The following TACR1 variants were observed in gnomAD, a reference collection of about 807,000 sequenced individuals.
TACR1 encodes substance-P receptor.
Under a neutral mutation model 35.8 loss-of-function variants are expected in TACR1, and 25 were observed. The observed-to-expected ratio is 0.70, with a 90% CI of 0.51 to 0.98. The LOEUF is 0.98. Among genes scored for constraint, TACR1 ranks in the 50% least tolerant of loss-of-function variants. The pLI is 0.00. For missense variants in TACR1, 478 were observed against 522.9 expected (o/e 0.91, Z 0.84); for synonymous variants, 195 against 206.7 (o/e 0.94, Z 0.48).
chr2:75,081,803 G>T (rs1452607268), intron 2 of TACR1, among the ~76,000 whole-genome samples: 2 of 151,972 alleles, frequency 1.3e-5, no homozygotes, highest in Non-Finnish European at 2.9e-5. Flanking sequence ...AATATTTAGA[G>T]ATGATATGCA....
At chr2:75,052,186 G>A (rs1333264025) in intron 3 of TACR1, among the ~76,000 whole-genome samples, 1 of 152,206 alleles carries the variant, frequency 6.6e-6, no homozygotes, top group African/African-American at 2.4e-5. Flanking sequence ...AACTAATTAG[G>A]TCTTCAGGTC....
chr2:75,077,783 T>C (rs1673009216), intron 2 of TACR1, among the ~76,000 whole-genome samples: 1 of 152,150 alleles, frequency 6.6e-6, no homozygotes, highest in Non-Finnish European at 1.5e-5. Context: ...GCTGTACCCA[T>C]CCCCAGATAA....
intron 2 of TACR1, among the ~76,000 whole-genome samples, chr2:75,096,363 G>T (rs758666838): frequency 2.3e-4 from 35 of 152,286 alleles, no homozygotes; most frequent in Middle Eastern, 3.4e-3. Flanking sequence ...GCAACTCAGA[G>T]TCCAGTTTGA....
At chr2:75,092,057 A>G (rs1289868334) in intron 2 of TACR1, among the ~76,000 whole-genome samples, 3 of 152,232 alleles carry the variant, frequency 2.0e-5, no homozygotes, top group Non-Finnish European at 4.4e-5. Flanking sequence ...TTTTGTTTCA[A>G]ACAAATCTGA....
chr2:75,125,018 C>T (rs952412592), intron 1 of TACR1, among the ~76,000 whole-genome samples: 6 of 152,168 alleles, frequency 3.9e-5, no homozygotes, highest in East Asian at 1.9e-4. Flanking sequence ...TTTTCCTCCT[C>T]GATCCCTTCC....
chr2:75,114,981 T>C (rs1558557991), intron 2 of TACR1, among the ~76,000 whole-genome samples: 1 of 152,178 alleles, frequency 6.6e-6, no homozygotes, highest in East Asian at 1.9e-4. Context: ...TCTAGGAATA[T>C]AGCTAGAAGC....
intron 1 of TACR1, chr2:75,156,205 A>G (rs975332694): frequency 2.6e-5 from 4 of 152,202 alleles, no homozygotes; most frequent in African/African-American, 9.7e-5. Flanking sequence ...AAGCGATAGA[A>G]GAGGAGAAGA....
rs908920867 is a variant in TACR1, at chr2:75,048,208, C to G, written c.*1224G>C. 6.6e-6 allele frequency: 1 copy of G among 152,224 alleles called. No individual in the cohort carries two copies. Among genetic ancestry groups the G allele is most frequent in the South Asian group, 2.1e-4 (1 of 4,830 alleles). The allele number at this position is 152,224 out of a possible 1,614,324, so 9.4% of individuals were successfully genotyped here. The stretch of plus-strand genomic sequence containing the variant: ...TTCCCAGAAGTGCAGCTGCAAAGTG[C>G]AGCCTTCTTGCTTGTCGCACATATG... On this transcript the variant is annotated 3_prime_UTR_variant, in exon 5 of 5. Transcript: ENST00000305249.
chr2:75,181,407 A>C (rs749102202), intron 1 of TACR1, among the ~76,000 whole-genome samples: 10 of 152,192 alleles, frequency 6.6e-5, no homozygotes, highest in Non-Finnish European at 1.3e-4. Context: ...CAAAGAAAAC[A>C]TACTCCAGAC....
intron 2 of TACR1, among the ~76,000 whole-genome samples, chr2:75,119,380 C>A (rs1164042656): frequency 2.0e-5 from 3 of 152,096 alleles, no homozygotes; most frequent in African/African-American, 7.2e-5. Context: ...CAGTAACTGG[C>A]AATCTTGTAA....
intron 2 of TACR1, among the ~76,000 whole-genome samples, chr2:75,115,084 C>T (rs1157320718): frequency 6.7e-6 from 1 of 148,672 alleles, no homozygotes; most frequent in Non-Finnish European, 1.5e-5. Flanking sequence ...TGTTAACATA[C>T]GTGTGTGTGT....
At position 75,084,255 on chromosome 2, in the gene TACR1, C is replaced by G. The variant is rs550914262; in HGVS notation, c.585-30500G>C. Among the ~76,000 whole-genome samples, 89 of 152,306 alleles carry G rather than the reference C, an allele frequency of 5.8e-4. 2 individuals carry two copies. The East Asian group carries it at 0.016, about 27-fold the overall frequency. ...TATTGATTTGCATCTATTGAACCAG[C>G]CTTGCATCCCAGGGATGAAGCCCAC... On this transcript the variant is annotated intron_variant, in intron 2 of 4. Transcript: ENST00000305249.
At chr2:75,105,054 G>A (rs1558554371) in intron 2 of TACR1, among the ~76,000 whole-genome samples, 1 of 152,042 alleles carries the variant, frequency 6.6e-6, no homozygotes, top group African/African-American at 2.4e-5. Flanking sequence ...TGAAAGAAAT[G>A]AAATCAGTAT....
intron 1 of TACR1, among the ~76,000 whole-genome samples, chr2:75,123,752 T>C (rs530413299): frequency 6.6e-6 from 1 of 152,258 alleles, no homozygotes; most frequent in South Asian, 2.1e-4. Flanking sequence ...CAATCCTCAT[T>C]TCTGGGGCTC....
rs1572979301 is a variant in TACR1, at chr2:75,174,133, G to A, written c.389+24413C>T. Among the ~76,000 whole-genome samples, 3 of 152,246 alleles carry A rather than the reference G, an allele frequency of 2.0e-5. No homozygotes were observed. In the East Asian group the frequency reaches 5.8e-4, roughly 29 times the overall value. On this transcript the variant is annotated intron_variant, in intron 1 of 4. Coordinates refer to ENST00000305249, the MANE Select transcript of TACR1 (RefSeq NM_001058.4). ...ATTCTGTGGTCCTTTCTCTTGATAT[G>A]ATACCCCAAATCCCCCACTGAACCC...
rs569011852 is a variant in TACR1 at position 75,153,027 on chromosome 2, C to T, written c.390-32259G>A. The stretch of plus-strand genomic sequence containing the variant: ...CAGTGATTCTCCTGTTTCAGTTTCC[C>T]GAGTAGTGGGACTACAGGCGTGCAC... On this transcript the variant is annotated intron_variant, in intron 1 of 4. Transcript: ENST00000305249. 1.9e-3 allele frequency among the ~76,000 whole-genome samples: 286 copies of T among 152,270 alleles called. 3 individuals carry two copies. Among genetic ancestry groups the T allele is most frequent in the African/African-American group, 6.5e-3 (269 of 41,558 alleles).
intron 4 of TACR1, among the ~76,000 whole-genome samples, chr2:75,050,073 C>T (rs369087856): frequency 1.2e-4 from 18 of 152,342 alleles, no homozygotes; most frequent in African/African-American, 4.3e-4. Context: ...ACTATGTGCA[C>T]AGCACTGTGC....
intron 2 of TACR1, among the ~76,000 whole-genome samples, chr2:75,109,296 T>G (rs969744367): frequency 6.6e-6 from 1 of 152,064 alleles, no homozygotes; most frequent in Non-Finnish European, 1.5e-5. Context: ...AGGGCAGGGC[T>G]CTGAATATCC....
At chr2:75,157,470 G>T (rs1232095565) in intron 1 of TACR1, among the ~76,000 whole-genome samples, 2 of 152,170 alleles carry the variant, frequency 1.3e-5, no homozygotes, top group African/African-American at 4.8e-5. Flanking sequence ...AGCTTGCATT[G>T]TTAAGAGTTA....
Sources: gnomAD v4.1 joint callset for allele counts (sites outside exome capture counted in the v4.1 genomes callset) on GRCh38, gnomAD v4.1.1 for gene constraint, MANE v1.5 for transcripts, NCBI Gene and HGNC (gene_info 2026-07-23, HGNC 2026-07-21) for gene names.